The following NCOA7 variants were observed in gnomAD, a reference collection of about 807,000 sequenced individuals.
NCOA7 encodes the protein nuclear receptor coactivator 7, also known as 140 kDa estrogen receptor-associated protein.
Under a neutral mutation model 104.3 loss-of-function variants are expected in NCOA7, and 45 were observed. The observed-to-expected ratio is 0.43, with a 90% CI of 0.34 to 0.55. NCOA7 has a LOEUF of 0.55. NCOA7 is among the 20% of genes least tolerant of loss of function. The pLI is 0.02. For missense variants in NCOA7, 1,041 were observed against 1,119.7 expected (o/e 0.93, Z 1.00); for synonymous variants, 398 against 402.3 (o/e 0.99, Z 0.13).
At chr6:125,820,094 G>A (rs887629788) in intron 2 of NCOA7, among the ~76,000 whole-genome samples, 1 of 152,120 alleles carries the variant, frequency 6.6e-6, no homozygotes, top group Non-Finnish European at 1.5e-5. Flanking sequence ...GTCATGAAAA[G>A]CAGAACTGCT....
intron 11 of NCOA7, among the ~76,000 whole-genome samples, chr6:125,917,289 G>A (rs1343623660): frequency 6.6e-6 from 1 of 152,110 alleles, no homozygotes; most frequent in Non-Finnish European, 1.5e-5. Flanking sequence ...CTCCTTCGTG[G>A]CATCAGGGCT....
chr6:125,879,620 C>T (rs1345039305), intron 5 of NCOA7, among the ~76,000 whole-genome samples: 1 of 152,044 alleles, frequency 6.6e-6, no homozygotes, highest in Non-Finnish European at 1.5e-5. Context: ...AGATAGGAGA[C>T]AGTGAATAAC....
At chr6:125,781,751 C>T (rs1195285675) in intron 1 of NCOA7, among the ~76,000 whole-genome samples, 1 of 152,206 alleles carries the variant, frequency 6.6e-6, no homozygotes, top group African/African-American at 2.4e-5. Context: ...ATGGTGAAAA[C>T]CATCCTCCTA....
chr6:125,884,418 C>T (rs1784095013), intron 7 of NCOA7, among the ~76,000 whole-genome samples: 1 of 152,184 alleles, frequency 6.6e-6, no homozygotes, highest in Non-Finnish European at 1.5e-5. Flanking sequence ...TCACTAGACT[C>T]ATTAAAAGTA....
intron 2 of NCOA7, among the ~76,000 whole-genome samples, chr6:125,846,471 T>G (rs997367991): frequency 6.6e-6 from 1 of 152,134 alleles, no homozygotes; most frequent in Non-Finnish European, 1.5e-5. Flanking sequence ...GTTAGCCTCT[T>G]GCTTTTGTTT....
intron 3 of NCOA7, among the ~76,000 whole-genome samples, chr6:125,870,149 A>T (rs1046238921): frequency 6.6e-6 from 1 of 152,122 alleles, no homozygotes; most frequent in Non-Finnish European, 1.5e-5. Flanking sequence ...CCCAGAGTAT[A>T]GTGTTACTTC....
At chr6:125,920,186 A>T (rs905208796) in intron 11 of NCOA7, among the ~76,000 whole-genome samples, 2 of 152,256 alleles carry the variant, frequency 1.3e-5, no homozygotes, top group Non-Finnish European at 2.9e-5. Flanking sequence ...TATTTTTATC[A>T]TCTCTGAACA....
At chr6:125,914,317 A>G (rs1357891378) in intron 10 of NCOA7, among the ~76,000 whole-genome samples, 2 of 152,250 alleles carry the variant, frequency 1.3e-5, no homozygotes, top group East Asian at 3.8e-4. Context: ...TATAATGTTA[A>G]ATACAACAGT....
intron 3 of NCOA7, among the ~76,000 whole-genome samples, chr6:125,860,073 C>G (rs1454481152): frequency 6.6e-6 from 1 of 152,146 alleles, no homozygotes; most frequent in Non-Finnish European, 1.5e-5. Flanking sequence ...ACAAATTAAG[C>G]ATCAAAAAAA....
chr6:125,857,439 A>AT (rs1296338878), intron 3 of NCOA7, among the ~76,000 whole-genome samples: 54 of 123,926 alleles, frequency 4.4e-4, no homozygotes, highest in Admixed American at 7.1e-4. Context: ...ATATATATAT[A>AT]TATTTTTTTT....
At chr6:125,906,833 C>A (rs1428888237) in intron 10 of NCOA7, among the ~76,000 whole-genome samples, 9 of 152,054 alleles carry the variant, frequency 5.9e-5, no homozygotes, top group Admixed American at 5.9e-4. Context: ...CTAGGAAAAC[C>A]CAGTGAATGA....
rs1781445317 is a variant in NCOA7, at chr6:125,855,134, C to T, written c.165C>T (p.Cys55=). 3 of 1,612,668 alleles carry T rather than the reference C, an allele frequency of 1.9e-6. No individual in the cohort carries two copies. The highest frequency in any genetic ancestry group is 1.7e-4 in the Middle Eastern group (1 of 6,058). Residue 55 remains cysteine (C), a synonymous_variant, in exon 3 of 16, where the codon TGC becomes TGT. Coordinates refer to ENST00000392477, the MANE Select transcript of NCOA7 (RefSeq NM_181782.5). The stretch of plus-strand genomic sequence containing the variant: ...CAGTAGTTTTAGAGCCAGACAAGTG[C>T]AACATTGCTGTGGAAGAGGAATATA... ...NNTVVLEPDK[C]NIAVEEEYMT...
rs570256365 is a variant in NCOA7 at position 125,922,839 on chromosome 6, G to A, written c.2523+5G>A. ...ATCAAAGATATGGATAATCAGGTGA[G>A]GCCTGTCCCTCTCATAAAGAATATT... On this transcript the variant is annotated splice_donor_5th_base_variant and intron_variant, in intron 13 of 15. Transcript: ENST00000392477. The A allele has an allele frequency of 6.2e-7, 1 of 1,612,314 alleles. No individual in the cohort carries two copies. The highest frequency in any genetic ancestry group is 1.3e-5 in the African/African-American group (1 of 74,930).
chr6:125,900,072 T>G, intron 10 of NCOA7: 1 of 531,592 alleles, frequency 1.9e-6, no homozygotes, highest in Admixed American at 1.9e-5. Context: ...CTGCAGGGGC[T>G]GTGGAATGGG....
chr6:125,853,874 TA>T, intron 2 of NCOA7, among the ~76,000 whole-genome samples: 1 of 152,276 alleles, frequency 6.6e-6, no homozygotes, highest in Non-Finnish European at 1.5e-5. Flanking sequence ...AGAGTTCTCT[TA>T]AGTGTTGTAG....
At chr6:125,895,349 AAGG>A (rs1446761041) in intron 10 of NCOA7, among the ~76,000 whole-genome samples, 2 of 152,204 alleles carry the variant, frequency 1.3e-5, no homozygotes, top group African/African-American at 2.4e-5. Context: ...GAAGGGAGAG[AAGG>A]AGAAGGAAAG....
intron 1 of NCOA7, among the ~76,000 whole-genome samples, chr6:125,807,408 T>C (rs2128560261): frequency 6.6e-6 from 1 of 152,330 alleles, no homozygotes; most frequent in Middle Eastern, 3.4e-3. Flanking sequence ...ATCTGTTTAT[T>C]CTGGGTTGAT....
chr6:125,855,753 G>A (rs940141138), intron 3 of NCOA7, among the ~76,000 whole-genome samples: 1 of 151,518 alleles, frequency 6.6e-6, no homozygotes, highest in Non-Finnish European at 1.5e-5. Context: ...GCATGATCTC[G>A]GCTCACTGCA....
In NCOA7 at chr6:125,854,520, A is replaced by G. The variant is rs370664551; in HGVS notation, c.51-500A>G. On this transcript the variant is annotated intron_variant, in intron 2 of 15. Coordinates refer to ENST00000392477, the MANE Select transcript of NCOA7 (RefSeq NM_181782.5). The stretch of plus-strand genomic sequence containing the variant: ...ATTGCCATATGTTTAAAGGAAAAGA[A>G]TTACTCCTATGTGACCCAGTTCACA... Among the ~76,000 whole-genome samples the G allele has an allele frequency of 3.9e-5, 6 of 152,232 alleles. No homozygotes were observed. The East Asian group carries it at 7.7e-4, about 20-fold the overall frequency.
Sources: gnomAD v4.1 joint callset for allele counts (sites outside exome capture counted in the v4.1 genomes callset) on GRCh38, gnomAD v4.1.1 for gene constraint, MANE v1.5 for transcripts, NCBI Gene and HGNC (gene_info 2026-07-23, HGNC 2026-07-21) for gene names.